The following SYCP1 variants were observed in gnomAD, a reference collection of about 807,000 sequenced individuals.
SYCP1 encodes the protein cancer/testis antigen 8.
In SYCP1, 64 loss-of-function variants were observed where a neutral mutation model predicts 153.1. That is an observed-to-expected ratio of 0.42 (90% confidence interval 0.34 to 0.51). The LOEUF is 0.51. SYCP1 is among the 20% of genes least tolerant of loss of function. SYCP1 has a pLI of 0.06. For synonymous variants in SYCP1, 384 were observed against 341.8 expected (o/e 1.12, Z -1.36); for missense variants, 997 against 1,049.0 (o/e 0.95, Z 0.68).
chr1:114,859,761 A>G lies in SYCP1; in HGVS notation c.475A>G (p.Ser159Gly). The G allele has an allele frequency of 1.1e-6, 1 of 898,306 alleles. No individual in the cohort carries two copies. Among genetic ancestry groups the G allele is most frequent in the Non-Finnish European group, 1.5e-6 (1 of 657,026 alleles). The allele number at this position is 898,306 out of a possible 1,614,324, so 55.6% of individuals were successfully genotyped here. Residue 159 changes from serine to glycine, a missense_variant, in exon 7 of 32, where the codon AGT (serine) becomes GGT (glycine). Physicochemically the swap from Ser to Gly is moderately conservative, Grantham distance 56. Around this residue, in one of 2 missense-constraint regions of SYCP1, gnomAD observed 285 missense variants for 366.1 expected, o/e 0.78. Coordinates refer to ENST00000369522, the MANE Select transcript of SYCP1 (RefSeq NM_003176.4). ...QELQFGNEKVSLKLEEGIQEN... is the reference protein window; with the variant it reads ...QELQFGNEKVGLKLEEGIQEN... ...AAATTAGTTTGGAAATGAAAAAGTA[A>G]GTTTGAAATTAGAAGAAGGAATACA...
chr1:114,925,248 A>G (rs1306685203), intron 21 of SYCP1, among the ~76,000 whole-genome samples: 1 of 152,132 alleles, frequency 6.6e-6, no homozygotes, highest in Non-Finnish European at 1.5e-5. Context: ...CTACTTTAAA[A>G]TTTGTATCAG....
chr1:114,855,709 C>T, intron 2 of SYCP1, 137 bp downstream of exon 2: 1 of 653,612 alleles, frequency 1.5e-6, no homozygotes, highest in Non-Finnish European at 2.6e-6. Context: ...TTTTGAATCC[C>T]ATTGCTTTAA....
chr1:114,976,099 G>A (rs1474728906), intron 27 of SYCP1, among the ~76,000 whole-genome samples: 3 of 151,764 alleles, frequency 2.0e-5, no homozygotes, highest in Admixed American at 2.0e-4. Flanking sequence ...AATGTTAGTT[G>A]ATGTGCAATT....
At chr1:114,974,133 A>G (rs990572048) in intron 27 of SYCP1, among the ~76,000 whole-genome samples, 1 of 151,710 alleles carries the variant, frequency 6.6e-6, no homozygotes, top group African/African-American at 2.4e-5. Flanking sequence ...GTAATCCAAG[A>G]GTCTTTTTTT....
At position 114,981,582 on chromosome 1, in the gene SYCP1, A is replaced by G. The variant is rs569707038; in HGVS notation, c.2559+70A>G. 2.3e-4 allele frequency: 319 copies of G among 1,373,132 alleles called. 2 individuals are homozygous for G. The African/African-American group carries it at 4.3e-3, about 19-fold the overall frequency. 85.1% of individuals were successfully genotyped at this position (1,373,132 alleles called of 1,614,324 possible). ...ATAAATAAAGTTCTGTTATCACCAT[A>G]TATCTGGCATCACGCACACATATAT... is the stretch of plus-strand genomic sequence containing the variant. On this transcript the variant is annotated intron_variant, in intron 29 of 31. Transcript: ENST00000369522.
chr1:114,968,084 G>T (rs186721832), intron 27 of SYCP1, among the ~76,000 whole-genome samples: 2 of 152,122 alleles, frequency 1.3e-5, no homozygotes, highest in African/African-American at 4.8e-5. Flanking sequence ...TGGGTAACCC[G>T]ACCTTTCTCT....
chr1:114,908,256 T>C (rs1227558297), intron 16 of SYCP1, among the ~76,000 whole-genome samples: 6 of 152,088 alleles, frequency 3.9e-5, no homozygotes, highest in African/African-American at 1.2e-4. Flanking sequence ...TGATGTCTTA[T>C]TGTCTTTGAT....
chr1:114,988,067 G>C (rs1673644962), intron 30 of SYCP1, among the ~76,000 whole-genome samples: 1 of 128,852 alleles, frequency 7.8e-6, no homozygotes, highest in African/African-American at 2.7e-5. Context: ...AAGTTACTGA[G>C]TCTGATAAAC....
intron 16 of SYCP1, among the ~76,000 whole-genome samples, chr1:114,906,919 G>A (rs1221710993): frequency 2.6e-5 from 4 of 152,116 alleles, no homozygotes; most frequent in Non-Finnish European, 4.4e-5. Context: ...ATTATTTACT[G>A]AGAGAAGAGT....
intron 23 of SYCP1, among the ~76,000 whole-genome samples, chr1:114,938,631 A>G (rs1053623407): frequency 3.1e-4 from 47 of 151,984 alleles, no homozygotes; most frequent in Non-Finnish European, 6.5e-4. Flanking sequence ...TGGAAACTAT[A>G]CCCTCCTCTT....
intron 23 of SYCP1, among the ~76,000 whole-genome samples, chr1:114,928,938 G>T (rs557163467): frequency 6.6e-6 from 1 of 152,100 alleles, no homozygotes; most frequent in Non-Finnish European, 1.5e-5. Context: ...TGGAGACTGG[G>T]AATTAAAAAA....
intron 12 of SYCP1, among the ~76,000 whole-genome samples, chr1:114,878,781 G>A (rs1302773929): frequency 2.6e-5 from 4 of 152,156 alleles, no homozygotes; most frequent in Non-Finnish European, 5.9e-5. Flanking sequence ...GACCTCAGGT[G>A]GTCCACCCGC....
At chr1:114,968,652 A>G (rs1672293056) in intron 27 of SYCP1, among the ~76,000 whole-genome samples, 1 of 152,020 alleles carries the variant, frequency 6.6e-6, no homozygotes, top group Admixed American at 6.5e-5. Context: ...GGTTGTTATT[A>G]CCTACCTTCT....
intron 1 of SYCP1, 186 bp downstream of exon 1, chr1:114,855,204 T>TTAAAAAA: frequency 4.4e-6 from 1 of 224,876 alleles, no homozygotes; most frequent in Admixed American, 5.7e-5. Flanking sequence ...ACGGGCTTTC[T>TTAAAAAA]TTTCAGGCCA....
chr1:114,873,292 G>A (rs1371483584), intron 8 of SYCP1, among the ~76,000 whole-genome samples: 1 of 152,130 alleles, frequency 6.6e-6, no homozygotes, highest in Non-Finnish European at 1.5e-5. Flanking sequence ...AGGGGGAGGA[G>A]TATTCTATAG....
At position 114,923,380 on chromosome 1, in the gene SYCP1, T is replaced by G; in HGVS notation, c.1719-69T>G. ...TGTGGTCTTTAAGACTTCCTTATTTTGAGTTATTTGAGATCTTCTATAGGC... is the reference window on the plus strand; with the variant it reads ...TGTGGTCTTTAAGACTTCCTTATTTGGAGTTATTTGAGATCTTCTATAGGC... On this transcript the variant is annotated intron_variant, in intron 20 of 31. Coordinates refer to ENST00000369522, the MANE Select transcript of SYCP1 (RefSeq NM_003176.4). The G allele has an allele frequency of 4.9e-6, 7 of 1,431,224 alleles. No homozygotes were observed. In the South Asian group the frequency reaches 9.7e-5, roughly 20 times the overall value. The allele number at this position is 1,431,224 out of a possible 1,614,324, so 88.7% of individuals were successfully genotyped here. A position where few individuals can be genotyped will look rare whatever the true frequency, so the allele number is the denominator to read the frequency against.
intron 1 of SYCP1, 38 bp downstream of exon 1, chr1:114,855,056 G>A (rs1396286872): frequency 6.5e-6 from 1 of 153,056 alleles, no homozygotes; most frequent in East Asian, 1.9e-4. Context: ...CCTGGGGACT[G>A]AGCCCAGAGC....
chr1:114,926,340 G>C lies in SYCP1; in HGVS notation c.1863G>C (p.Glu621Asp), dbSNP rs1217370529. The change falls in exon 22 of 32, where the codon GAG (glutamate) becomes GAC (aspartate). Residue 621 changes from glutamate (E) to aspartate (D), a missense_variant and splice_region_variant. Physicochemically the swap from Glu to Asp is conservative, Grantham distance 45. Around this residue, in one of 2 missense-constraint regions of SYCP1, gnomAD observed 712 missense variants for 682.9 expected, o/e 1.04. Coordinates refer to ENST00000369522, the MANE Select transcript of SYCP1 (RefSeq NM_003176.4). ...KNKYIEELQQ[E>D]NKALKKKGTA... ...AGTATATTGAAGAACTTCAGCAGGA[G>C]GTATGTATTTTTTATAAATATTCTC... 5.9e-6 allele frequency: 9 copies of C among 1,530,936 alleles called. No individual in the cohort carries two copies. The highest frequency in any genetic ancestry group is 7.0e-6 in the Non-Finnish European group (8 of 1,137,236). The allele number at this position is 1,530,936 out of a possible 1,614,324, so 94.8% of individuals were successfully genotyped here. A position where few individuals can be genotyped will look rare whatever the true frequency, so the allele number is the denominator to read the frequency against.
Position 114,914,004 on chromosome 1 carries a change from G to C in SYCP1, c.1677G>C (p.Leu559Phe). The change falls in exon 20 of 32, where the codon TTG (leucine) becomes TTC (phenylalanine). Residue 559 changes from leucine (L) to phenylalanine (F), a missense_variant. This residue lies in a region of SYCP1 where 712 missense variants were observed against 682.9 expected (regional missense o/e 1.04). Coordinates refer to ENST00000369522, the MANE Select transcript of SYCP1 (RefSeq NM_003176.4). Reference protein sequence around the residue: ...NNNKKQEERMLKQIENLQETE... With the variant: ...NNNKKQEERMFKQIENLQETE... ...ACAAAAAGCAAGAAGAAAGGATGTT[G>C]AAACAAATAGAAAATCTTCAAGAAA... The C allele has an allele frequency of 6.4e-7, 1 of 1,574,052 alleles. No homozygotes were observed. The highest frequency in any genetic ancestry group is 8.6e-7 in the Non-Finnish European group (1 of 1,162,126).
Sources: allele counts gnomAD v4.1 joint callset (sites outside exome capture counted in the v4.1 genomes callset), GRCh38; gene constraint gnomAD v4.1.1; regional missense constraint gnomAD v4.1.1; transcripts MANE v1.5; gene names NCBI Gene and HGNC (gene_info 2026-07-23, HGNC 2026-07-21).